GRM7: variants seen among roughly 807,000 people sequenced by gnomAD.
GRM7 encodes the protein metabotropic glutamate receptor 7.
GRM7 carries 35 observed loss-of-function variants against 84.5 expected under a neutral mutation model. That is an observed-to-expected ratio of 0.41 (90% CI 0.32 to 0.55). The LOEUF is 0.55. Ranked by LOEUF, GRM7 falls within the 20% of genes least tolerant of loss-of-function variation. GRM7 has a pLI of 0.19. For synonymous variants in GRM7, 487 were observed against 455.1 expected (o/e 1.07, Z -0.89); for missense variants, 1,003 against 1,194.6 (o/e 0.84, Z 2.36).
chr3:7,697,272 T>C (rs541526783), intron 9 of GRM7, among the ~76,000 whole-genome samples: 1 of 152,314 alleles, frequency 6.6e-6, no homozygotes, highest in East Asian at 1.9e-4. Flanking sequence ...CTTGCCCTTA[T>C]GTAACATTTT....
At chr3:7,113,406 C>T (rs1342548033) in intron 1 of GRM7, among the ~76,000 whole-genome samples, 2 of 152,134 alleles carry the variant, frequency 1.3e-5, no homozygotes, top group African/African-American at 2.4e-5. Flanking sequence ...CTCAGTGGTA[C>T]ATTTGTTCCA....
chr3:7,004,531 G>T (rs1695117761), intron 1 of GRM7, among the ~76,000 whole-genome samples: 2 of 151,994 alleles, frequency 1.3e-5, no homozygotes, highest in South Asian at 2.1e-4. Context: ...TGCTTGAAAG[G>T]GTTACGTGAA....
chr3:7,330,045 C>T (rs565025724), intron 4 of GRM7, among the ~76,000 whole-genome samples: 5 of 152,194 alleles, frequency 3.3e-5, no homozygotes, highest in Admixed American at 1.3e-4. Context: ...AATTAAACAA[C>T]ACAGAAGGTA....
At chr3:7,094,326 C>A (rs1321555331) in intron 1 of GRM7, among the ~76,000 whole-genome samples, 1 of 152,108 alleles carries the variant, frequency 6.6e-6, no homozygotes, top group African/African-American at 2.4e-5. Context: ...TAAATGAGTT[C>A]ATGCATTCCA....
chr3:6,974,967 G>T (rs1478966398), intron 1 of GRM7, among the ~76,000 whole-genome samples: 1 of 152,100 alleles, frequency 6.6e-6, no homozygotes, highest in Non-Finnish European at 1.5e-5. Context: ...TGATGTGTTT[G>T]ATCCAGTAGA....
At chr3:7,649,718 G>GCTGA (rs1446336409) in intron 8 of GRM7, among the ~76,000 whole-genome samples, 8 of 152,004 alleles carry the variant, frequency 5.3e-5, no homozygotes, top group African/African-American at 1.9e-4. Context: ...ATGATTGTTG[G>GCTGA]CTGACTTCAA....
At chr3:6,995,721 C>T (rs1436581596) in intron 1 of GRM7, among the ~76,000 whole-genome samples, 2 of 151,946 alleles carry the variant, frequency 1.3e-5, no homozygotes, top group East Asian at 3.9e-4. Flanking sequence ...TAGAAATTTT[C>T]CCAAAATTGA....
chr3:7,516,576 C>T (rs918906812), intron 7 of GRM7, among the ~76,000 whole-genome samples: 2 of 149,938 alleles, frequency 1.3e-5, no homozygotes, highest in African/African-American at 2.5e-5. Flanking sequence ...ACTGGTATAA[C>T]CAGCAACTTT....
At chr3:7,061,302 G>A (rs967785935) in intron 1 of GRM7, among the ~76,000 whole-genome samples, 16 of 151,742 alleles carry the variant, frequency 1.1e-4, no homozygotes, top group Admixed American at 2.0e-4. Flanking sequence ...AATGGTAATA[G>A]CCAGCATATT....
chr3:6,956,832 T>G (rs1367100067), intron 1 of GRM7, among the ~76,000 whole-genome samples: 2 of 152,216 alleles, frequency 1.3e-5, no homozygotes, highest in African/African-American at 4.8e-5. Flanking sequence ...GGCTAATCTT[T>G]AAAGGCAGTC....
Position 7,234,921 on chromosome 3 carries a change from C to T in GRM7, c.737-63763C>T, listed in dbSNP as rs182098951. 2.0e-4 allele frequency among the ~76,000 whole-genome samples: 31 copies of T among 152,266 alleles called. No homozygotes were observed. The East Asian group carries it at 3.9e-3, about 19-fold the overall frequency. On this transcript the variant is annotated intron_variant, in intron 2 of 9. Transcript: ENST00000357716. Reference sequence around the variant, plus strand: ...AAACTCATTAAAGTTTTTCCTTTGACCCATTTTACAACAGGCTTCTGCAAA... The same window carrying T: ...AAACTCATTAAAGTTTTTCCTTTGATCCATTTTACAACAGGCTTCTGCAAA...
chr3:7,430,818 T>C (rs1003132023), intron 5 of GRM7, among the ~76,000 whole-genome samples: 5 of 152,164 alleles, frequency 3.3e-5, no homozygotes, highest in African/African-American at 1.2e-4. Context: ...CTATGGAGTA[T>C]AGGGAAGTTT....
At chr3:7,495,398 G>A (rs776071995) in intron 7 of GRM7, among the ~76,000 whole-genome samples, 1 of 152,084 alleles carries the variant, frequency 6.6e-6, no homozygotes, top group East Asian at 1.9e-4. Flanking sequence ...GTTAAAAGAG[G>A]CTCAGGGACA....
chr3:7,269,585 GC>G (rs1698779230), intron 2 of GRM7, among the ~76,000 whole-genome samples: 1 of 152,138 alleles, frequency 6.6e-6, no homozygotes, highest in Admixed American at 6.6e-5. Flanking sequence ...TCCCAGCTAC[GC>G]CTCCTCTGAT....
chr3:7,278,657 G>C (rs545574947), intron 2 of GRM7, among the ~76,000 whole-genome samples: 1 of 152,242 alleles, frequency 6.6e-6, no homozygotes, highest in East Asian at 1.9e-4. Flanking sequence ...TCATGCATAA[G>C]ATGTGATTCT....
chr3:7,502,050 C>G (rs948576460), intron 7 of GRM7, among the ~76,000 whole-genome samples: 1 of 152,184 alleles, frequency 6.6e-6, no homozygotes, highest in Non-Finnish European at 1.5e-5. Flanking sequence ...GACTGAAATT[C>G]TGGCCCTTCT....
intron 1 of GRM7, among the ~76,000 whole-genome samples, chr3:7,016,606 T>G (rs911690175): frequency 2.6e-5 from 4 of 152,212 alleles, no homozygotes; most frequent in Non-Finnish European, 5.9e-5. Flanking sequence ...ATGTCTTGTT[T>G]ATTTAAAACT....
At chr3:7,670,634 G>C (rs867846015) in intron 8 of GRM7, among the ~76,000 whole-genome samples, 1 of 127,596 alleles carries the variant, frequency 7.8e-6, no homozygotes, top group Non-Finnish European at 1.6e-5. Context: ...TTAGAACTAT[G>C]AAGATTACTT....
At chr3:7,648,654 G>GA (rs749572979) in intron 8 of GRM7, among the ~76,000 whole-genome samples, 18,588 of 129,954 alleles carry the variant, frequency 0.14, 2,337 homozygotes, top group African/African-American at 0.35. Flanking sequence ...GTCTCAAAAA[G>GA]AAAAAAAAAA....
Sources: allele counts gnomAD v4.1 joint callset (sites outside exome capture counted in the v4.1 genomes callset), GRCh38; gene constraint gnomAD v4.1.1; transcripts MANE v1.5; gene names NCBI Gene and HGNC (gene_info 2026-07-23, HGNC 2026-07-21).